Variants in ZNF705G observed in about 807,000 individuals in gnomAD.
ZNF705G encodes the protein putative zinc finger protein 705G.
ZNF705G carries 23 observed loss-of-function variants against 19.6 expected under a neutral mutation model. The ratio of observed to expected loss-of-function variants is 1.17; its 90% CI spans 0.84 to 1.66. ZNF705G has a LOEUF of 1.66. Ranked by LOEUF, ZNF705G falls within the 40% of genes most tolerant of loss-of-function variation. The pLI, the probability that ZNF705G is intolerant of heterozygous loss-of-function variation, is 0.00. For synonymous variants in ZNF705G, 146 were observed against 117.7 expected (o/e 1.24, Z -1.56); for missense variants, 457 against 354.4 (o/e 1.29, Z -2.32).
At chr8:7,382,044 C>A (rs1411993996) in intron 1 of ZNF705G, among the ~76,000 whole-genome samples, 23 of 152,174 alleles carry the variant, frequency 1.5e-4, no homozygotes, top group African/African-American at 4.6e-4. Flanking sequence ...CACACAAGGG[C>A]GTGATACAAA....
intron 2 of ZNF705G, among the ~76,000 whole-genome samples, chr8:7,365,902 T>C (rs575250782): frequency 6.7e-6 from 1 of 149,572 alleles, no homozygotes; most frequent in African/African-American, 2.6e-5. Flanking sequence ...GATGTCTATA[T>C]TGTTTTGCCT....
intron 6 of ZNF705G, 37 bp downstream of exon 6, chr8:7,359,582 A>C: frequency 2.5e-6 from 4 of 1,603,206 alleles, no homozygotes; most frequent in Non-Finnish European, 2.5e-6. Flanking sequence ...ACATGTCTTT[A>C]ACTTAGATGA....
chr8:7,385,557 A>T lies in ZNF705G; in HGVS notation c.-281T>A, dbSNP rs1807687366. On this transcript the variant is annotated 5_prime_UTR_variant, in exon 1 of 7. Coordinates refer to ENST00000400156, the MANE Select transcript of ZNF705G (RefSeq NM_001164457.3). ...GTGCTGTATGTCCCTTGGGACAAGG[A>T]CACCTGAAAGCAGCTCCAGTGACCA... The T allele has an allele frequency of 6.8e-6, 1 of 147,212 alleles. No individual in the cohort carries two copies. The highest frequency in any genetic ancestry group is 1.5e-5 in the Non-Finnish European group (1 of 67,862). 9.1% of individuals were successfully genotyped at this position (147,212 alleles called of 1,614,324 possible). A position where few individuals can be genotyped will look rare whatever the true frequency, so the allele number is the denominator to read the frequency against.
At chr8:7,366,482 A>C (rs537896876) in intron 2 of ZNF705G, among the ~76,000 whole-genome samples, 6 of 149,764 alleles carry the variant, frequency 4.0e-5, no homozygotes, top group African/African-American at 1.5e-4. Flanking sequence ...ATTAAATTAA[A>C]ATACAGCAAT....
intron 2 of ZNF705G, among the ~76,000 whole-genome samples, chr8:7,366,607 G>A (rs1468964148): frequency 1.3e-5 from 2 of 149,532 alleles, no homozygotes; most frequent in Admixed American, 6.6e-5. Flanking sequence ...GTACGTAAAA[G>A]TACCAATACA....
chr8:7,363,111 C>A, intron 2 of ZNF705G, 94 bp from the exon 3 acceptor site: 1 of 1,466,608 alleles, frequency 6.8e-7, no homozygotes. Flanking sequence ...TGAAGTGTGA[C>A]ACCAGCTGCA....
rs777152504 is a variant in ZNF705G, at chr8:7,357,978, A to T, written c.901T>A (p.Ter301ArgextTer50). 12 of 1,609,110 alleles carry T rather than the reference A, an allele frequency of 7.5e-6. No homozygotes were observed. In the East Asian group the frequency reaches 2.2e-4, roughly 30 times the overall value. The change falls in exon 7 of 7, where the codon TGA becomes AGA. Residue 301 changes from the stop codon to arginine, a stop_lost. Transcript: ENST00000400156. ...TCTCCAGTGCGTGTTCTCTCATGTC[A>T]TCTAAGGTTGGAAGACAGACTGAAG... ...KAFSLSSNLR* is the reference protein window; with the variant it reads ...KAFSLSSNLRR
chr8:7,364,266 GC>G (rs1806750436), intron 2 of ZNF705G, among the ~76,000 whole-genome samples: 1 of 149,466 alleles, frequency 6.7e-6, no homozygotes, highest in Admixed American at 6.6e-5. Context: ...TTATTTCCCT[GC>G]TAAAAATATA....
rs1427954140 is a variant in ZNF705G, at chr8:7,357,503, G to C, written c.*473C>G. The C allele has an allele frequency of 2.6e-5, 5 of 189,810 alleles. 2 individuals carry two copies. The highest frequency in any genetic ancestry group is 1.3e-4 in the African/African-American group (5 of 39,498). The allele number at this position is 189,810 out of a possible 1,614,324, so 11.8% of individuals were successfully genotyped here. A position where few individuals can be genotyped will look rare whatever the true frequency, so the allele number is the denominator to read the frequency against. ...TAAAAACATTTTCACACTGAATGCA[G>C]AGTTAGAGATTCTCTACCTGAAAGT... On this transcript the variant is annotated 3_prime_UTR_variant, in exon 7 of 7. Transcript: ENST00000400156.
At chr8:7,380,730 T>G (rs1807452119) in intron 2 of ZNF705G, among the ~76,000 whole-genome samples, 2 of 146,680 alleles carry the variant, frequency 1.4e-5, no homozygotes, top group Non-Finnish European at 2.9e-5. Context: ...CTGTCACTGC[T>G]GGCACTTGAG....
Position 7,357,429 on chromosome 8 carries a change from G to C in ZNF705G, c.*547C>G, listed in dbSNP as rs570838721. On this transcript the variant is annotated 3_prime_UTR_variant, in exon 7 of 7. Coordinates refer to ENST00000400156, the MANE Select transcript of ZNF705G (RefSeq NM_001164457.3). ...TCATTCACAGAAAATACAAATAAAG[G>C]GTTCATCCAAGTAAAGTTTTCTCAT... is the stretch of plus-strand genomic sequence containing the variant. The C allele has an allele frequency of 3.0e-5, 5 of 164,192 alleles. 1 individual carries two copies. The highest frequency in any genetic ancestry group is 5.1e-5 in the African/African-American group (2 of 39,054). 10.2% of individuals were successfully genotyped at this position (164,192 alleles called of 1,614,324 possible).
At position 7,361,990 on chromosome 8, in the gene ZNF705G, T is replaced by C. The variant is rs186989148; in HGVS notation, c.13-754A>G. Among the ~76,000 whole-genome samples, 1,113 of 149,654 alleles carry C rather than the reference T, an allele frequency of 7.4e-3. 22 individuals carry two copies. Among genetic ancestry groups the C allele is most frequent in the South Asian group, 0.023 (108 of 4,760 alleles). On this transcript the variant is annotated intron_variant, in intron 3 of 6. Coordinates refer to ENST00000400156, the MANE Select transcript of ZNF705G (RefSeq NM_001164457.3). ...CGCTGAGGCTGCTATACTGAGGAAA[T>C]CTTAGTCCGATGATTCCTGTGATAT...
intron 2 of ZNF705G, among the ~76,000 whole-genome samples, chr8:7,363,820 CA>C (rs913208890): frequency 1.2e-4 from 17 of 143,212 alleles, no homozygotes; most frequent in South Asian, 4.4e-4. Flanking sequence ...GACTCTGTCT[CA>C]AAAAAAAAAA....
At chr8:7,380,072 G>A (rs1807420310) in intron 2 of ZNF705G, among the ~76,000 whole-genome samples, 1 of 143,612 alleles carries the variant, frequency 7.0e-6, no homozygotes, top group Non-Finnish European at 1.5e-5. Context: ...GGAACTGGCA[G>A]TGCCATTCAC....
intron 6 of ZNF705G, among the ~76,000 whole-genome samples, 200 bp from the exon 7 acceptor site, chr8:7,358,760 G>C (rs1304482496): frequency 2.0e-5 from 3 of 149,386 alleles, no homozygotes; most frequent in African/African-American, 7.7e-5. Context: ...TGGGAACTGG[G>C]TCACACAAAC....
rs1807012888 is a variant in ZNF705G, at chr8:7,369,746, T to C, written c.-71-6729A>G. On this transcript the variant is annotated intron_variant, in intron 2 of 6. Coordinates refer to ENST00000400156, the MANE Select transcript of ZNF705G (RefSeq NM_001164457.3). ...AAAATTTATGTCCTTTGCACCAACA[T>C]GGATGCAGCTGGAGGCCATTATTCT... Among the ~76,000 whole-genome samples, 2 of 149,362 alleles carry C rather than the reference T, an allele frequency of 1.3e-5. 1 individual carries two copies. Among genetic ancestry groups the C allele is most frequent in the African/African-American group, 5.2e-5 (2 of 38,790 alleles).
rs1266473937 is a variant in ZNF705G, at chr8:7,374,868, G to C, written c.-72+6584C>G. On this transcript the variant is annotated intron_variant, in intron 2 of 6. Coordinates refer to ENST00000400156, the MANE Select transcript of ZNF705G (RefSeq NM_001164457.3). ...CTATCTTTTGTTCCTAAAGCAAATG[G>C]CCGGAAAAGACATAGTGTCCACAAT... 2.2e-5 allele frequency among the ~76,000 whole-genome samples: 2 copies of C among 90,372 alleles called. 1 individual carries two copies. Among genetic ancestry groups the C allele is most frequent in the Non-Finnish European group, 4.3e-5 (2 of 46,760 alleles). The allele number at this position is 90,372 out of a possible 152,430, so 59.3% of individuals were successfully genotyped here.
intron 2 of ZNF705G, among the ~76,000 whole-genome samples, chr8:7,379,543 G>T (rs1291257869): frequency 6.8e-6 from 1 of 147,194 alleles, no homozygotes; most frequent in African/African-American, 2.7e-5. Context: ...GCATGAAAGA[G>T]GGCACTAGAA....
At chr8:7,383,799 C>T (rs1326191577) in intron 1 of ZNF705G, among the ~76,000 whole-genome samples, 5 of 147,732 alleles carry the variant, frequency 3.4e-5, no homozygotes, top group Admixed American at 1.3e-4. Flanking sequence ...ACACCTATGC[C>T]GGTGTCTTGA....
Sources: allele counts gnomAD v4.1 joint callset (sites outside exome capture counted in the v4.1 genomes callset), GRCh38; gene constraint gnomAD v4.1.1; transcripts MANE v1.5; gene names NCBI Gene and HGNC (gene_info 2026-07-23, HGNC 2026-07-21).